Variants in HECW1 observed in about 807,000 individuals in gnomAD.
HECW1 encodes the protein E3 ubiquitin-protein ligase HECW1.
In HECW1, 61 loss-of-function variants were observed where a neutral mutation model predicts 182.3. The ratio of observed to expected loss-of-function variants is 0.33; its 90% CI spans 0.27 to 0.41. HECW1 has a LOEUF of 0.41. Among genes scored for constraint, HECW1 ranks in the 10% least tolerant of loss-of-function variants. The probability of loss-of-function intolerance (pLI) is 1.00; values close to 1 mark genes in which losing one functional copy is unlikely to be tolerated. For synonymous variants in HECW1, 859 were observed against 832.6 expected (o/e 1.03, Z -0.55); for missense variants, 1,739 against 2,108.9 (o/e 0.82, Z 3.44).
chr7:43,241,933 A>AG (rs1414616373), intron 2 of HECW1, among the ~76,000 whole-genome samples: 1 of 152,074 alleles, frequency 6.6e-6, no homozygotes, highest in Non-Finnish European at 1.5e-5. Flanking sequence ...TGGAGGAAGA[A>AG]GGGCTGACGG....
intron 3 of HECW1, among the ~76,000 whole-genome samples, chr7:43,276,931 G>A (rs1456765498): frequency 6.6e-6 from 1 of 152,148 alleles, no homozygotes; most frequent in African/African-American, 2.4e-5. Flanking sequence ...AGAAATACAG[G>A]CGTCTCTAAT....
chr7:43,311,591 G>C, intron 3 of HECW1, 172 bp from the exon 4 acceptor site: 1 of 773,402 alleles, frequency 1.3e-6, no homozygotes, highest in Non-Finnish European at 2.3e-6. Flanking sequence ...TGTGAACCCA[G>C]AGCTGCAGCC....
intron 24 of HECW1, among the ~76,000 whole-genome samples, chr7:43,525,483 A>T (rs2080720212): frequency 6.6e-6 from 1 of 152,206 alleles, no homozygotes; most frequent in Non-Finnish European, 1.5e-5. Flanking sequence ...GAGGGTAAAG[A>T]GTTTGACAAC....
intron 24 of HECW1, among the ~76,000 whole-genome samples, chr7:43,524,251 C>T (rs962021039): frequency 6.6e-6 from 1 of 152,072 alleles, no homozygotes; most frequent in Non-Finnish European, 1.5e-5. Flanking sequence ...AAAAAGCTGG[C>T]TGTTCATGCA....
chr7:43,114,113 GTGGTGCA>G, intron 1 of HECW1, 37 bp from the exon 2 acceptor site: 2 of 574,170 alleles, frequency 3.5e-6, no homozygotes, highest in Admixed American at 7.0e-5. Flanking sequence ...GGAATCTGCA[GTGGTGCA>G]ATTCTCCCCT....
intron 2 of HECW1, among the ~76,000 whole-genome samples, chr7:43,229,932 C>T (rs1797742564): frequency 6.6e-6 from 1 of 152,114 alleles, no homozygotes; most frequent in Non-Finnish European, 1.5e-5. Flanking sequence ...TGGCAAAAAC[C>T]ACGGTAACTT....
chr7:43,301,488 G>GT (rs957837949), intron 3 of HECW1, among the ~76,000 whole-genome samples: 19 of 152,324 alleles, frequency 1.2e-4, no homozygotes, highest in Admixed American at 1.1e-3. Context: ...TATGAGCACT[G>GT]TTTAAGTCCT....
At chr7:43,466,390 GAGGTTGA>G in intron 14 of HECW1, 50 bp from the exon 15 acceptor site, 1 of 1,582,678 alleles carries the variant, frequency 6.3e-7, no homozygotes, top group South Asian at 1.1e-5. Context: ...GCGAAGTACA[GAGGTTGA>G]AATGCCTTTT....
chr7:43,373,486 G>T (rs995123361), intron 6 of HECW1, among the ~76,000 whole-genome samples: 6 of 151,338 alleles, frequency 4.0e-5, no homozygotes, highest in African/African-American at 1.5e-4. Context: ...TCCCTGTCTC[G>T]CTCTGAAAAA....
chr7:43,309,947 G>T (rs1187400058), intron 3 of HECW1, among the ~76,000 whole-genome samples: 1 of 152,148 alleles, frequency 6.6e-6, no homozygotes, highest in African/African-American at 2.4e-5. Context: ...AACTTGACTT[G>T]CATTGTCTCA....
intron 3 of HECW1, among the ~76,000 whole-genome samples, chr7:43,289,344 A>G (rs753279283): frequency 6.6e-6 from 1 of 152,116 alleles, no homozygotes; most frequent in Non-Finnish European, 1.5e-5. Context: ...TGACCTCGTG[A>G]TCTGCCTGCT....
chr7:43,159,678 C>CTTT (rs36117153), intron 2 of HECW1, among the ~76,000 whole-genome samples: 4 of 123,748 alleles, frequency 3.2e-5, no homozygotes, highest in Non-Finnish European at 5.0e-5. Context: ...TTCCTTGTAT[C>CTTT]TTTTTTTTTT....
At chr7:43,408,386 T>C (rs2075682314) in intron 8 of HECW1, among the ~76,000 whole-genome samples, 3 of 151,966 alleles carry the variant, frequency 2.0e-5, no homozygotes, top group African/African-American at 7.3e-5. Context: ...AGTTCTCTCC[T>C]AAAGGACATG....
intron 24 of HECW1, among the ~76,000 whole-genome samples, chr7:43,535,332 T>G (rs1300198721): frequency 6.6e-6 from 1 of 152,224 alleles, no homozygotes; most frequent in East Asian, 1.9e-4. Context: ...TGAGAAATCC[T>G]TGCCAATAAC....
chr7:43,542,118 C>T, intron 26 of HECW1, 120 bp downstream of exon 26: 1 of 802,814 alleles, frequency 1.2e-6, no homozygotes, highest in African/African-American at 1.8e-5. Context: ...AGTATATCCA[C>T]ATTGTTGGCC....
rs1222183521 is a variant in HECW1, at chr7:43,274,098, G to T, written c.27+30166G>T. 1.1e-5 allele frequency: 4 copies of T among 371,532 alleles called. No homozygotes were observed. In the Admixed American group the frequency reaches 1.4e-4, roughly 13 times the overall value. 23.0% of individuals were successfully genotyped at this position (371,532 alleles called of 1,614,324 possible). A position where few individuals can be genotyped will look rare whatever the true frequency, so the allele number is the denominator to read the frequency against. On this transcript the variant is annotated intron_variant, in intron 3 of 29. Transcript: ENST00000395891. Reference sequence around the variant, plus strand: ...ACTCCTGACCTCAGTTGATCCACCCGCCTCGGCCTCCCAAAGTGCTGGAGA... The same window carrying T: ...ACTCCTGACCTCAGTTGATCCACCCTCCTCGGCCTCCCAAAGTGCTGGAGA...
At chr7:43,372,033 T>C (rs977609622) in intron 6 of HECW1, among the ~76,000 whole-genome samples, 27 of 152,076 alleles carry the variant, frequency 1.8e-4, no homozygotes, top group Admixed American at 1.8e-3. Context: ...TGTTGGCCAG[T>C]CTGGTCTTGA....
intron 2 of HECW1, among the ~76,000 whole-genome samples, chr7:43,231,939 G>A (rs140616328): frequency 0.021 from 3,107 of 150,062 alleles, 114 homozygotes; most frequent in African/African-American, 0.072. Context: ...GGAGAATGGC[G>A]TGAACCCGGG....
At chr7:43,175,971 C>T (rs542028805) in intron 2 of HECW1, among the ~76,000 whole-genome samples, 1 of 152,194 alleles carries the variant, frequency 6.6e-6, no homozygotes, top group African/African-American at 2.4e-5. Flanking sequence ...GCCTAATGGC[C>T]AGCTCAGATT....
Sources: gnomAD v4.1 joint callset for allele counts (sites outside exome capture counted in the v4.1 genomes callset) on GRCh38, gnomAD v4.1.1 for gene constraint, MANE v1.5 for transcripts, NCBI Gene and HGNC (gene_info 2026-07-23, HGNC 2026-07-21) for gene names.